The following GREM2 variants were observed in gnomAD, a reference collection of about 807,000 sequenced individuals.
The protein encoded by GREM2 is gremlin-2.
Under a neutral mutation model 14.2 loss-of-function variants are expected in GREM2, and 11 were observed. The observed-to-expected ratio is 0.78, with a 90% confidence interval of 0.49 to 1.28. GREM2 has a LOEUF of 1.28. GREM2 is among the 50% of genes most tolerant of loss of function. GREM2 has a pLI of 0.00. For synonymous variants in GREM2, 98 were observed against 97.6 expected, an observed-to-expected ratio of 1.00 and a Z score of -0.02; for missense variants, 210 against 218.5, an observed-to-expected ratio of 0.96 and a Z score of 0.24.
intron 1 of GREM2, among the ~76,000 whole-genome samples, chr1:240,561,183 C>A (rs1250389327): frequency 3.3e-5 from 5 of 151,860 alleles, no homozygotes; most frequent in Non-Finnish European, 5.9e-5. Context: ...GGTTTGTGAA[C>A]CACTAAGTAC....
intron 1 of GREM2, among the ~76,000 whole-genome samples, chr1:240,558,229 G>A (rs1678984740): frequency 6.6e-6 from 1 of 152,014 alleles, no homozygotes; most frequent in Non-Finnish European, 1.5e-5. Context: ...AGTGTGTTAT[G>A]GAAAGAGATA....
intron 1 of GREM2, chr1:240,531,714 CTTT>C (rs11353211): frequency 4.8e-3 from 4,361 of 907,264 alleles, no homozygotes; most frequent in Non-Finnish European, 5.4e-3. Flanking sequence ...TTTTCTTCTT[CTTT>C]TTTTTTTTTT....
chr1:240,569,321 G>A (rs1250577394), intron 1 of GREM2, among the ~76,000 whole-genome samples: 2 of 152,056 alleles, frequency 1.3e-5, no homozygotes, highest in Non-Finnish European at 2.9e-5. Context: ...AAAAATTCCA[G>A]CAGTTTTTTG....
intron 1 of GREM2, among the ~76,000 whole-genome samples, chr1:240,514,218 G>C (rs1677899496): frequency 7.7e-6 from 1 of 129,550 alleles, no homozygotes; most frequent in African/African-American, 3.0e-5. Flanking sequence ...TTATACTCCA[G>C]CCTGGGCAAC....
chr1:240,521,443 C>T (rs1055826021), intron 1 of GREM2, among the ~76,000 whole-genome samples: 15 of 151,368 alleles, frequency 9.9e-5, no homozygotes, highest in South Asian at 2.1e-4. Flanking sequence ...TGGTGAGGGG[C>T]GACTGTAGTC....
chr1:240,521,552 C>T (rs764696528), intron 1 of GREM2, among the ~76,000 whole-genome samples: 7 of 151,808 alleles, frequency 4.6e-5, no homozygotes, highest in Non-Finnish European at 7.4e-5. Context: ...GCCTGGGCGA[C>T]AGTGTGAGAC....
At chr1:240,573,223 G>A (rs1440515170) in intron 1 of GREM2, among the ~76,000 whole-genome samples, 1 of 152,128 alleles carries the variant, frequency 6.6e-6, no homozygotes, top group African/African-American at 2.4e-5. Context: ...AGCACTCTGG[G>A]AGGCCAAAGA....
At chr1:240,605,538 T>G (rs922852402) in intron 1 of GREM2, among the ~76,000 whole-genome samples, 1 of 152,128 alleles carries the variant, frequency 6.6e-6, no homozygotes, top group Non-Finnish European at 1.5e-5. Context: ...AGTATCCTTA[T>G]AGAGATTTTT....
chr1:240,606,993 T>C lies in GREM2; in HGVS notation c.-2+4891A>G, dbSNP rs144591333. Among the ~76,000 whole-genome samples the C allele has an allele frequency of 4.4e-3, 663 of 152,340 alleles. 3 individuals are homozygous for C. Among genetic ancestry groups the C allele is most frequent in the African/African-American group, 0.015 (624 of 41,580 alleles). On this transcript the variant is annotated intron_variant, in intron 1 of 1. Transcript: ENST00000318160. ...GAGCCCTGCCAGATTGAAATGATTC[T>C]ACAGCATGCTTGACTGTGTCACTTT...
Position 240,540,216 on chromosome 1 carries a change from C to A in GREM2, c.-1-46740G>T, listed in dbSNP as rs1322412785. ...AAACCACAGGAGCCTGAGTGAGGGTCCGTAATGACAGAGCCTCCTACACAG... is the reference window on the plus strand; with the variant it reads ...AAACCACAGGAGCCTGAGTGAGGGTACGTAATGACAGAGCCTCCTACACAG... On this transcript the variant is annotated intron_variant, in intron 1 of 1. Transcript: ENST00000318160. This position sits in a 1 kb window ranked among gnomAD's most constrained non-coding sequence, Gnocchi z 4.2. Among the ~76,000 whole-genome samples the A allele has an allele frequency of 1.3e-5, 2 of 152,306 alleles. No individual in the cohort carries two copies. Among genetic ancestry groups the A allele is most frequent in the East Asian group, 3.9e-4 (2 of 5,166 alleles).
rs114716914 is a variant in GREM2, at chr1:240,502,469, A to G, written c.-1-8993T>C. 4.4e-3 allele frequency among the ~76,000 whole-genome samples: 670 copies of G among 152,144 alleles called. 6 individuals are homozygous for G. The highest frequency in any genetic ancestry group is 0.015 in the African/African-American group (625 of 41,506). On this transcript the variant is annotated intron_variant, in intron 1 of 1. Transcript: ENST00000318160. The stretch of plus-strand genomic sequence containing the variant: ...TTGGTGTTCCCCAAGAATTTTTTCC[A>G]TAACCCTGTCTTCTCATTCCTCACA...
intron 1 of GREM2, among the ~76,000 whole-genome samples, chr1:240,607,603 C>T (rs1163151641): frequency 6.6e-6 from 1 of 152,190 alleles, no homozygotes; most frequent in East Asian, 1.9e-4. Context: ...ATGGTGCCTC[C>T]AGACACTGAG....
In GREM2 at chr1:240,492,841, G is replaced by T. The variant is rs1408379254; in HGVS notation, c.*128C>A. 2 of 946,824 alleles carry T rather than the reference G, an allele frequency of 2.1e-6. No homozygotes were observed. Among genetic ancestry groups the T allele is most frequent in the African/African-American group, 3.5e-5 (2 of 57,726 alleles). The allele number at this position is 946,824 out of a possible 1,614,324, so 58.7% of individuals were successfully genotyped here. On this transcript the variant is annotated 3_prime_UTR_variant, in exon 2 of 2. Coordinates refer to ENST00000318160, the MANE Select transcript of GREM2 (RefSeq NM_022469.4). ...GACAAGGACACCGTCAGCCCTAAGA[G>T]AAGTGCTTGCTGCTGAGGGGGAACA... is the stretch of plus-strand genomic sequence containing the variant.
chr1:240,594,050 C>G (rs146494806), intron 1 of GREM2, among the ~76,000 whole-genome samples: 18 of 152,154 alleles, frequency 1.2e-4, no homozygotes, highest in African/African-American at 4.3e-4. Flanking sequence ...AACTCCTGGG[C>G]TCAAGTAATC....
rs541627250 is a variant in GREM2 at position 240,547,076 on chromosome 1, A to T, written c.-1-53600T>A. Among the ~76,000 whole-genome samples, 28 of 152,284 alleles carry T rather than the reference A, an allele frequency of 1.8e-4. No individual in the cohort carries two copies. The East Asian group carries it at 4.6e-3, about 25-fold the overall frequency. On this transcript the variant is annotated intron_variant, in intron 1 of 1. Transcript: ENST00000318160. ...GGCCTTAACAGGAAGGGAGGGATTT[A>T]CAGTAAAGGCTATGCTAGATGGAGA...
intron 1 of GREM2, among the ~76,000 whole-genome samples, chr1:240,609,755 C>T (rs1305013465): frequency 3.3e-5 from 5 of 152,094 alleles, no homozygotes; most frequent in African/African-American, 1.2e-4. Context: ...CAGTGTCTGC[C>T]CTTGACCCAG....
At chr1:240,606,496 G>C (rs372816461) in intron 1 of GREM2, among the ~76,000 whole-genome samples, 1 of 152,092 alleles carries the variant, frequency 6.6e-6, no homozygotes, top group African/African-American at 2.4e-5. Context: ...GTAATCATTA[G>C]GTTATTCCTG....
At chr1:240,541,649 T>C (rs1248767376) in intron 1 of GREM2, among the ~76,000 whole-genome samples, 2 of 152,226 alleles carry the variant, frequency 1.3e-5, no homozygotes, top group Non-Finnish European at 2.9e-5. Context: ...TTTATTTCCC[T>C]TGGATTTTTT....
rs142038301 is a variant in GREM2 at position 240,544,436 on chromosome 1, C to A, written c.-1-50960G>T. 1.3e-3 allele frequency among the ~76,000 whole-genome samples: 203 copies of A among 152,216 alleles called. 4 individuals are homozygous for A. In the East Asian group the frequency reaches 0.037, roughly 28 times the overall value. ...TGCTGGGATTACAGGCGTGAGCCAC[C>A]GCGCCTGGCCAGTACTAGGCCATTT... On this transcript the variant is annotated intron_variant, in intron 1 of 1. Transcript: ENST00000318160.
Sources: allele counts gnomAD v4.1 joint callset (sites outside exome capture counted in the v4.1 genomes callset), GRCh38; gene constraint gnomAD v4.1.1; non-coding constraint Gnocchi (gnomAD v3.1); transcripts MANE v1.5; gene names NCBI Gene and HGNC (gene_info 2026-07-23, HGNC 2026-07-21).